Variants in PSMB2 observed in about 807,000 individuals in gnomAD.
The protein encoded by PSMB2 is proteasome subunit beta type-2.
Under a neutral mutation model 25.7 loss-of-function variants are expected in PSMB2, and 13 were observed. The ratio of observed to expected loss-of-function variants is 0.51; its 90% confidence interval spans 0.33 to 0.80. PSMB2 has a LOEUF of 0.80. PSMB2 is among the 30% of genes least tolerant of loss of function. The pLI, the probability that PSMB2 is intolerant of heterozygous loss-of-function variation, is 0.02. For missense variants in PSMB2, 202 were observed against 259.0 expected (o/e 0.78, Z 1.51); for synonymous variants, 87 against 96.2 (o/e 0.90, Z 0.56).
chr1:35,621,292 C>G (rs1174060832), intron 3 of PSMB2, among the ~76,000 whole-genome samples: 1 of 152,188 alleles, frequency 6.6e-6, no homozygotes, highest in Non-Finnish European at 1.5e-5. Context: ...TATCTTAGCA[C>G]TTGTCACTCT....
At chr1:35,623,370 A>C (rs1174130652) in intron 3 of PSMB2, among the ~76,000 whole-genome samples, 1 of 152,222 alleles carries the variant, frequency 6.6e-6, no homozygotes, top group Non-Finnish European at 1.5e-5. Context: ...CTAGCTGACT[A>C]AGGTTTGGTA....
At chr1:35,609,510 T>C (rs1031747498) in intron 3 of PSMB2, 102 bp from the exon 4 acceptor site, 24 of 1,102,064 alleles carry the variant, frequency 2.2e-5, no homozygotes, top group Admixed American at 3.1e-5. Context: ...AAAGAAAATA[T>C]TAGCAGCAAC....
At chr1:35,632,622 A>G (rs1164101784) in intron 2 of PSMB2, among the ~76,000 whole-genome samples, 2 of 152,208 alleles carry the variant, frequency 1.3e-5, no homozygotes, top group Non-Finnish European at 2.9e-5. Context: ...GGCCAGGTGC[A>G]GTGGCTCATG....
At chr1:35,628,788 A>C (rs1186175912) in intron 3 of PSMB2, among the ~76,000 whole-genome samples, 2 of 151,156 alleles carry the variant, frequency 1.3e-5, no homozygotes, top group Non-Finnish European at 2.9e-5. Context: ...CAAAGCTAGC[A>C]CTGAGAGGTA....
intron 4 of PSMB2, 105 bp downstream of exon 4, chr1:35,609,141 A>G (rs1650256534): frequency 5.2e-6 from 6 of 1,157,278 alleles, no homozygotes; most frequent in African/African-American, 1.6e-5. Context: ...CTTAGGATCC[A>G]TCCTATTCAA....
At chr1:35,632,477 G>C (rs892131746) in intron 2 of PSMB2, among the ~76,000 whole-genome samples, 3 of 152,254 alleles carry the variant, frequency 2.0e-5, no homozygotes, top group African/African-American at 7.2e-5. Flanking sequence ...GAGAGATTCA[G>C]ATTCAAATCC....
intron 3 of PSMB2, among the ~76,000 whole-genome samples, chr1:35,628,631 A>ATTTTTTTTTTTTT (rs138110586): frequency 1.6e-4 from 6 of 38,064 alleles, no homozygotes; most frequent in East Asian, 0.012. Context: ...ATATATATAT[A>ATTTTTTTTTTTTT]TTTTTTTTTT....
rs149330817 is a variant in PSMB2, at chr1:35,631,343, T to C, written c.216A>G (p.Gly72=). 49 of 1,613,970 alleles carry C rather than the reference T, an allele frequency of 3.0e-5. No homozygotes were observed. Among genetic ancestry groups the C allele is most frequent in the Non-Finnish European group, 3.9e-5 (46 of 1,179,954 alleles). The change falls in exon 3 of 6, where the codon GGA becomes GGG. Residue 72 remains glycine (G), a splice_region_variant and synonymous_variant. Coordinates refer to ENST00000373237, the MANE Select transcript of PSMB2 (RefSeq NM_002794.5). ...CTGCTGCCGTGGGAGACAATTCATA[T>C]CCTGGTAGAAGAGATAAAGAGTCAT... ...KNVQLYKMRN[G]YELSPTAAAN...
At position 35,605,222 on chromosome 1, in the gene PSMB2, G is replaced by C; in HGVS notation, c.498+11C>G. The stretch of plus-strand genomic sequence containing the variant: ...AAACATTCCTTTCAGGATCCTATGG[G>C]AACTACTCACCTCCTCCAGACATTT... On this transcript the variant is annotated intron_variant, in intron 5 of 5. Coordinates refer to ENST00000373237, the MANE Select transcript of PSMB2 (RefSeq NM_002794.5). The C allele has an allele frequency of 3.7e-6, 6 of 1,605,978 alleles. No individual in the cohort carries two copies. The highest frequency in any genetic ancestry group is 5.1e-6 in the Non-Finnish European group (6 of 1,175,106).
At chr1:35,641,170 A>T (rs1372718906) in intron 1 of PSMB2, among the ~76,000 whole-genome samples, 172 bp downstream of exon 1, 2 of 152,132 alleles carry the variant, frequency 1.3e-5, no homozygotes, top group Non-Finnish European at 2.9e-5. Flanking sequence ...GGCCTGGACA[A>T]CAAGAGCGAA....
intron 3 of PSMB2, among the ~76,000 whole-genome samples, chr1:35,617,634 A>C (rs1222878210): frequency 1.3e-5 from 2 of 152,178 alleles, no homozygotes; most frequent in Non-Finnish European, 2.9e-5. Context: ...CTGGATCTGG[A>C]AGGCACTCAT....
At chr1:35,620,202 G>C (rs1205369813) in intron 3 of PSMB2, among the ~76,000 whole-genome samples, 1 of 152,128 alleles carries the variant, frequency 6.6e-6, no homozygotes, top group East Asian at 1.9e-4. Flanking sequence ...AGAGTAGTTA[G>C]GACTATATAT....
intron 2 of PSMB2, among the ~76,000 whole-genome samples, chr1:35,633,527 C>T (rs1291506811): frequency 1.3e-5 from 2 of 152,184 alleles, no homozygotes; most frequent in African/African-American, 4.8e-5. Context: ...GACCCTAAAA[C>T]CCAGTAACAA....
intron 3 of PSMB2, among the ~76,000 whole-genome samples, chr1:35,630,413 A>G (rs1179311253): frequency 1.3e-5 from 2 of 152,240 alleles, no homozygotes; most frequent in Admixed American, 1.3e-4. Flanking sequence ...CTTTATTCAT[A>G]TTGCCAAAAC....
chr1:35,610,881 C>T (rs2148564523), intron 3 of PSMB2, among the ~76,000 whole-genome samples: 1 of 152,328 alleles, frequency 6.6e-6, no homozygotes, highest in Non-Finnish European at 1.5e-5. Flanking sequence ...ATAATTATAA[C>T]TTGGATTTAT....
At chr1:35,637,550 AT>A (rs1185863649) in intron 1 of PSMB2, among the ~76,000 whole-genome samples, 2 of 152,262 alleles carry the variant, frequency 1.3e-5, no homozygotes, top group Non-Finnish European at 2.9e-5. Flanking sequence ...TTCACTTTTC[AT>A]TTTTCAAATA....
At position 35,641,461 on chromosome 1, in the gene PSMB2, C is replaced by T. The variant is rs556083217; in HGVS notation, c.-29G>A. The T allele has an allele frequency of 6.2e-7, 1 of 1,613,622 alleles. No individual in the cohort carries two copies. The highest frequency in any genetic ancestry group is 2.2e-5 in the East Asian group (1 of 44,844). On this transcript the variant is annotated 5_prime_UTR_variant, in exon 1 of 6. Coordinates refer to ENST00000373237, the MANE Select transcript of PSMB2 (RefSeq NM_002794.5). ...GGCGGAAGGCCAGGGGCTGCAGGTC[C>T]GACACAGCACGAGACTCGCCCGCTT...
At chr1:35,628,592 AAAAAATATAT>A (rs1445737141) in intron 3 of PSMB2, among the ~76,000 whole-genome samples, 15 of 19,070 alleles carry the variant, frequency 7.9e-4, no homozygotes, top group South Asian at 4.4e-3. Flanking sequence ...AAAAAAAAAA[AAAAAATATAT>A]ATATATATAT....
intron 3 of PSMB2, among the ~76,000 whole-genome samples, chr1:35,630,181 A>G (rs144526154): frequency 0.02 from 3,066 of 152,332 alleles, 87 homozygotes; most frequent in East Asian, 0.058. Context: ...ATCTCAAAAA[A>G]ATAAAAATAA....
Sources: gnomAD v4.1 joint callset for allele counts (sites outside exome capture counted in the v4.1 genomes callset) on GRCh38, gnomAD v4.1.1 for gene constraint, MANE v1.5 for transcripts, NCBI Gene and HGNC (gene_info 2026-07-23, HGNC 2026-07-21) for gene names.